NDUFA10: variants seen among roughly 807,000 people sequenced by gnomAD.
NDUFA10 encodes NADH:ubiquinone oxidoreductase subunit A10.
NDUFA10 carries 40 observed loss-of-function variants against 47.8 expected under a neutral mutation model. The ratio of observed to expected loss-of-function variants is 0.84; its 90% CI spans 0.65 to 1.09. NDUFA10 has a LOEUF of 1.09. Ranked by LOEUF, NDUFA10 falls within the 50% of genes least tolerant of loss-of-function variation. NDUFA10 has a pLI of 0.00. For synonymous variants in NDUFA10, 183 were observed against 172.2 expected (o/e 1.06, Z -0.49); for missense variants, 413 against 451.1 (o/e 0.92, Z 0.76).
intron 4 of NDUFA10, among the ~76,000 whole-genome samples, chr2:239,927,443 C>T (rs1694083493): frequency 6.6e-6 from 1 of 152,150 alleles, no homozygotes; most frequent in African/African-American, 2.4e-5. Context: ...TCTATAAAGT[C>T]TGCAGCAGTG....
At chr2:239,913,536 C>G (rs923565479) in intron 4 of NDUFA10, among the ~76,000 whole-genome samples, 1 of 152,208 alleles carries the variant, frequency 6.6e-6, no homozygotes, top group Non-Finnish European at 1.5e-5. Flanking sequence ...ACGTGATTCT[C>G]CCCCTGGGGC....
rs537371596 is a variant in NDUFA10 at position 239,938,903 on chromosome 2, C to T, written c.295-43589G>A. Among the ~76,000 whole-genome samples, 141 of 152,326 alleles carry T rather than the reference C, an allele frequency of 9.3e-4. 1 individual carries two copies. Among genetic ancestry groups the T allele is most frequent in the Middle Eastern group, 6.8e-3 (2 of 294 alleles). On this transcript the variant is annotated intron_variant, in intron 4 of 5. Coordinates refer to the NDUFA10 transcript ENST00000419408. ...GCACAGCCAGAGGGTCAGCGGCCCC[C>T]GCGGACGGCTTGGTTCCTGTTTAGC...
At chr2:239,922,316 A>G (rs1420141525) in intron 4 of NDUFA10, among the ~76,000 whole-genome samples, 1 of 152,114 alleles carries the variant, frequency 6.6e-6, no homozygotes, top group Non-Finnish European at 1.5e-5. Flanking sequence ...TCTGCTGACT[A>G]TGGCTGGGCA....
At chr2:239,927,223 A>T (rs1694080580) in intron 4 of NDUFA10, among the ~76,000 whole-genome samples, 1 of 152,246 alleles carries the variant, frequency 6.6e-6, no homozygotes, top group South Asian at 2.1e-4. Flanking sequence ...AAGTTAAAAA[A>T]GTAATAGAAT....
chr2:239,990,258 T>C, intron 8 of NDUFA10, 76 bp from the exon 9 acceptor site: 2 of 1,190,010 alleles, frequency 1.7e-6, no homozygotes, highest in Admixed American at 3.6e-5. Flanking sequence ...GTCCGATTTT[T>C]TTTAAACATC....
At position 240,007,355 on chromosome 2, in the gene NDUFA10, A is replaced by C; in HGVS notation, c.765T>G (p.Val255=). The C allele has an allele frequency of 6.3e-7, 1 of 1,593,130 alleles. No homozygotes were observed. Among genetic ancestry groups the C allele is most frequent in the South Asian group, 1.1e-5 (1 of 90,668 alleles). The part of the protein sequence containing the change: ...FLPEMSEKCE[V]LQYSAREAQD... ...GAGCTTCCCTTGCAGAATATTGTAA[A>C]ACCTCACATTTTTCACTGTAAGAAA... The change falls in exon 7 of 10, where the codon GTT becomes GTG. Residue 255 remains valine (V), a synonymous_variant. Transcript: ENST00000252711.
chr2:239,955,851 C>G (rs1179292510), downstream of NDUFA10, among the ~76,000 whole-genome samples: 2 of 152,168 alleles, frequency 1.3e-5, no homozygotes, highest in African/African-American at 4.8e-5. Context: ...CGGCTCTCAG[C>G]AGATGCAACC....
intron 4 of NDUFA10, among the ~76,000 whole-genome samples, chr2:239,902,456 C>T (rs150900931): frequency 6.6e-6 from 1 of 152,274 alleles, no homozygotes; most frequent in Non-Finnish European, 1.5e-5. Flanking sequence ...TTTTGTGAGA[C>T]ATAATACTAT....
intron 3 of NDUFA10, 184 bp downstream of exon 3, chr2:240,021,013 C>A: frequency 1.5e-6 from 1 of 652,422 alleles, no homozygotes; most frequent in South Asian, 1.8e-5. Context: ...AGTGAAACAG[C>A]ATTAAATTAA....
chr2:239,976,979 C>T (rs1016764094), intron 9 of NDUFA10, among the ~76,000 whole-genome samples: 4 of 152,116 alleles, frequency 2.6e-5, no homozygotes, highest in African/African-American at 9.7e-5. Flanking sequence ...GCAAAAATTA[C>T]AGAACCCCAA....
chr2:239,962,208 TGTACAC>T (rs1376563139), intron 9 of NDUFA10, among the ~76,000 whole-genome samples: 1 of 111,558 alleles, frequency 9.0e-6, no homozygotes, highest in African/African-American at 3.6e-5. Context: ...AGTCAATTTG[TGTACAC>T]ACACACACAC....
chr2:239,905,184 C>T (rs570191487), intron 4 of NDUFA10, among the ~76,000 whole-genome samples: 3 of 152,302 alleles, frequency 2.0e-5, no homozygotes, highest in Non-Finnish European at 4.4e-5. Context: ...TGTGCCCGGG[C>T]CTGTTGGGGT....
downstream of NDUFA10, among the ~76,000 whole-genome samples, chr2:239,954,339 C>T (rs1166380317): frequency 6.6e-6 from 1 of 152,242 alleles, no homozygotes; most frequent in Non-Finnish European, 1.5e-5. Flanking sequence ...GAGTGGGTTC[C>T]CCCTGACGGT....
At chr2:240,005,613 T>G (rs892441735) in intron 7 of NDUFA10, among the ~76,000 whole-genome samples, 3 of 152,170 alleles carry the variant, frequency 2.0e-5, no homozygotes, top group African/African-American at 7.2e-5. Context: ...TGCCTCAGCC[T>G]CCCAAAGTGC....
chr2:239,932,945 C>T (rs963617304), intron 4 of NDUFA10, among the ~76,000 whole-genome samples: 1 of 152,164 alleles, frequency 6.6e-6, no homozygotes, highest in African/African-American at 2.4e-5. Flanking sequence ...TAAGAGCCTA[C>T]ACTATGAGCG....
intron 4 of NDUFA10, among the ~76,000 whole-genome samples, chr2:239,931,732 A>AG (rs771786126): frequency 7.2e-5 from 11 of 152,206 alleles, no homozygotes; most frequent in Non-Finnish European, 1.6e-4. Flanking sequence ...TCCTGTGAGA[A>AG]GACAGCTGCC....
At chr2:239,939,169 C>T (rs1057177188) in intron 4 of NDUFA10, among the ~76,000 whole-genome samples, 3 of 152,200 alleles carry the variant, frequency 2.0e-5, no homozygotes, top group East Asian at 3.9e-4. Context: ...TTTCATGCCC[C>T]GGGCACTGTC....
intron 6 of NDUFA10, 50 bp downstream of exon 6, chr2:240,011,567 G>C: frequency 6.9e-7 from 1 of 1,452,852 alleles, no homozygotes; most frequent in South Asian, 1.1e-5. Context: ...CCTAAGAAAC[G>C]AGTGGCGAAG....
chr2:239,912,370 T>C (rs1042367418), intron 4 of NDUFA10, among the ~76,000 whole-genome samples: 1 of 152,184 alleles, frequency 6.6e-6, no homozygotes, highest in African/African-American at 2.4e-5. Context: ...CTGTAGCTGA[T>C]AGTCATCCTC....
Sources: allele counts gnomAD v4.1 joint callset (sites outside exome capture counted in the v4.1 genomes callset), GRCh38; gene constraint gnomAD v4.1.1; transcripts MANE v1.5; gene names NCBI Gene and HGNC (gene_info 2026-07-23, HGNC 2026-07-21).